The following PDS5B variants were observed in gnomAD, a reference collection of about 807,000 sequenced individuals.
PDS5B encodes sister chromatid cohesion protein PDS5 homolog B.
Under a neutral mutation model 184.1 loss-of-function variants are expected in PDS5B, and 51 were observed. That is an observed-to-expected ratio of 0.28 (90% CI 0.22 to 0.35). The LOEUF is 0.35. Ranked by LOEUF, PDS5B falls within the 10% of genes least tolerant of loss-of-function variation. PDS5B has a pLI of 1.00. For missense variants in PDS5B, 1,180 were observed against 1,723.3 expected (o/e 0.68, Z 5.58); for synonymous variants, 566 against 569.2 (o/e 0.99, Z 0.08).
At chr13:32,607,498 T>C (rs1413598452) in intron 1 of PDS5B, among the ~76,000 whole-genome samples, 2 of 152,246 alleles carry the variant, frequency 1.3e-5, no homozygotes, top group African/African-American at 4.8e-5. Flanking sequence ...GTTAGGCTAC[T>C]CGGGGGTCAG....
At chr13:32,606,603 A>C (rs1168545431) in intron 1 of PDS5B, among the ~76,000 whole-genome samples, 1 of 152,056 alleles carries the variant, frequency 6.6e-6, no homozygotes, top group African/African-American at 2.4e-5. Flanking sequence ...CCTGAATTTG[A>C]ATGTTGGCCT....
chr13:32,741,697 GTC>G (rs1256202689), intron 22 of PDS5B, among the ~76,000 whole-genome samples: 3 of 103,030 alleles, frequency 2.9e-5, no homozygotes, highest in South Asian at 7.2e-4. Flanking sequence ...AACCCTTTCA[GTC>G]TGTGTGTGTG....
At chr13:32,595,069 A>G (rs1784631558) in intron 1 of PDS5B, among the ~76,000 whole-genome samples, 1 of 152,134 alleles carries the variant, frequency 6.6e-6, no homozygotes, top group Non-Finnish European at 1.5e-5. Context: ...GCACTGTTGG[A>G]CACAACACCT....
rs1440139396 is a variant in PDS5B, at chr13:32,776,058, A to G, written c.*1006A>G. ...AACAGTGTAAAGTTAATCAGAAAGA[A>G]AAAATTTTATTGATGCAGTGTGTCT... is the stretch of plus-strand genomic sequence containing the variant. On this transcript the variant is annotated 3_prime_UTR_variant, in exon 35 of 35. Coordinates refer to ENST00000315596, the MANE Select transcript of PDS5B (RefSeq NM_015032.4). 1 of 154,562 alleles carries G rather than the reference A, an allele frequency of 6.5e-6. No homozygotes were observed. The allele number at this position is 154,562 out of a possible 1,614,324, so 9.6% of individuals were successfully genotyped here.
chr13:32,607,834 C>T (rs1015024743), intron 1 of PDS5B, among the ~76,000 whole-genome samples: 10 of 152,234 alleles, frequency 6.6e-5, no homozygotes, highest in Admixed American at 5.9e-4. Context: ...GTGAGTGAGG[C>T]TCCGTGGGTG....
chr13:32,773,283 C>T lies in PDS5B; in HGVS notation c.4267C>T (p.Pro1423Ser), dbSNP rs1337838744. 5.6e-6 allele frequency: 9 copies of T among 1,612,902 alleles called. No individual in the cohort carries two copies. Among genetic ancestry groups the T allele is most frequent in the Non-Finnish European group, 7.6e-6 (9 of 1,179,368 alleles). Residue 1423 changes from proline to serine, a missense_variant, in exon 34 of 35, where the codon CCA becomes TCA. Physicochemically the swap from Pro to Ser is moderately conservative, Grantham distance 74. Transcript: ENST00000315596. ...GGGTAGCTCTCCTGTCGATGATATT[C>T]CACAGGAAGAAACAGAGGAGGAGGA... ...FQGSSPVDDI[P>S]QEETEEEEVS... is the part of the protein sequence containing the mutation.
Position 32,675,059 on chromosome 13 carries a change from C to T in PDS5B, c.847-785C>T, listed in dbSNP as rs572673853. Reference sequence around the variant, plus strand: ...ATAGAGATGAGTTAGGTCATATTGTCGGGGCTCTTGGCATGGCAGGTTGTG... The same window carrying T: ...ATAGAGATGAGTTAGGTCATATTGTTGGGGCTCTTGGCATGGCAGGTTGTG... On this transcript the variant is annotated intron_variant, in intron 8 of 34. Transcript: ENST00000315596. 1.1e-3 allele frequency among the ~76,000 whole-genome samples: 168 copies of T among 151,374 alleles called. 1 individual carries two copies. Among genetic ancestry groups the T allele is most frequent in the Admixed American group, 1.8e-3 (28 of 15,174 alleles).
intron 3 of PDS5B, chr13:32,652,278 C>A: frequency 3.5e-6 from 1 of 286,190 alleles, no homozygotes; most frequent in Non-Finnish European, 6.5e-6. Context: ...ATTTTGGGGG[C>A]AATTCCTTTT....
intron 1 of PDS5B, among the ~76,000 whole-genome samples, chr13:32,643,705 A>C (rs1001563441): frequency 3.3e-5 from 5 of 152,174 alleles, no homozygotes; most frequent in Admixed American, 3.3e-4. Context: ...CATACTGTAC[A>C]GGTTTGTAGC....
chr13:32,590,244 A>G (rs1001106750), intron 1 of PDS5B, among the ~76,000 whole-genome samples: 3 of 152,252 alleles, frequency 2.0e-5, no homozygotes, highest in African/African-American at 7.2e-5. Flanking sequence ...TTTAAGGACT[A>G]AAAGTATTCC....
intron 7 of PDS5B, 60 bp from the exon 8 acceptor site, chr13:32,673,156 A>G: frequency 6.9e-7 from 1 of 1,440,410 alleles, no homozygotes; most frequent in Non-Finnish European, 9.6e-7. Context: ...ATAAGATTTT[A>G]AAACATTCAA....
chr13:32,707,200 T>C (rs1184616472), intron 18 of PDS5B, among the ~76,000 whole-genome samples, 161 bp downstream of exon 18: 1 of 152,218 alleles, frequency 6.6e-6, no homozygotes, highest in Non-Finnish European at 1.5e-5. Context: ...TATTCTTACA[T>C]GTAATCTGAT....
intron 26 of PDS5B, among the ~76,000 whole-genome samples, chr13:32,757,355 A>G (rs1954220841): frequency 6.6e-6 from 1 of 152,170 alleles, no homozygotes; most frequent in Non-Finnish European, 1.5e-5. Context: ...AACTTATCCT[A>G]TACCTAAGTT....
Position 32,709,936 on chromosome 13 carries a change from C to G in PDS5B, c.1963-10C>G. ...AGTTTTACAAATCATTTTTATGATT[C>G]ATTTTATAGGTACTCTCATTTACAC... On this transcript the variant is annotated splice_polypyrimidine_tract_variant and intron_variant, in intron 18 of 34. Transcript: ENST00000315596. 7.5e-7 allele frequency: 1 copy of G among 1,333,908 alleles called. No individual in the cohort carries two copies. Among genetic ancestry groups the G allele is most frequent in the South Asian group, 2.3e-5 (1 of 43,132 alleles). 82.6% of individuals were successfully genotyped at this position (1,333,908 alleles called of 1,614,324 possible). A position where few individuals can be genotyped will look rare whatever the true frequency, so the allele number is the denominator to read the frequency against.
chr13:32,621,676 T>C (rs2058303755), intron 1 of PDS5B, among the ~76,000 whole-genome samples: 1 of 152,216 alleles, frequency 6.6e-6, no homozygotes, highest in Non-Finnish European at 1.5e-5. Context: ...AATTACATTT[T>C]TTTTTCTAGG....
chr13:32,596,983 TTGA>T (rs2057885005), intron 1 of PDS5B, among the ~76,000 whole-genome samples: 1 of 152,106 alleles, frequency 6.6e-6, no homozygotes. Context: ...GTTTTAAAAT[TTGA>T]TGAAGTCCAG....
intron 1 of PDS5B, among the ~76,000 whole-genome samples, chr13:32,629,696 T>C (rs1198410718): frequency 6.6e-6 from 1 of 152,246 alleles, no homozygotes; most frequent in African/African-American, 2.4e-5. Flanking sequence ...AGGGCTTTTA[T>C]AGTTTATTTT....
At chr13:32,626,468 A>C (rs1369837195) in intron 1 of PDS5B, among the ~76,000 whole-genome samples, 1 of 152,180 alleles carries the variant, frequency 6.6e-6, no homozygotes, top group African/African-American at 2.4e-5. Context: ...ATAAACCATT[A>C]AATAGGCAAC....
chr13:32,701,320 C>T lies in PDS5B; in HGVS notation c.1741-3C>T. On this transcript the variant is annotated splice_region_variant and splice_polypyrimidine_tract_variant and intron_variant, in intron 16 of 34. Transcript: ENST00000315596. ...TGTAATACTGAAATAATCTGTATTA[C>T]AGCGTGAAATAACTAAGAAGTTGGG... 1 of 1,470,056 alleles carries T rather than the reference C, an allele frequency of 6.8e-7. No individual in the cohort carries two copies. The highest frequency in any genetic ancestry group is 9.5e-7 in the Non-Finnish European group (1 of 1,050,272). The allele number at this position is 1,470,056 out of a possible 1,614,324, so 91.1% of individuals were successfully genotyped here. A position where few individuals can be genotyped will look rare whatever the true frequency, so the allele number is the denominator to read the frequency against.
Sources: allele counts gnomAD v4.1 joint callset (sites outside exome capture counted in the v4.1 genomes callset), GRCh38; gene constraint gnomAD v4.1.1; transcripts MANE v1.5; gene names NCBI Gene and HGNC (gene_info 2026-07-23, HGNC 2026-07-21).